KDM4C: variants seen among roughly 807,000 people sequenced by gnomAD.
The protein encoded by KDM4C is lysine demethylase 4C.
KDM4C carries 81 observed loss-of-function variants against 129.3 expected under a neutral mutation model. The observed-to-expected ratio is 0.63, with a 90% CI of 0.52 to 0.75. The LOEUF is 0.75. Among genes scored for constraint, KDM4C ranks in the 30% least tolerant of loss-of-function variants. KDM4C has a pLI of 0.00. For missense variants in KDM4C, 1,457 were observed against 1,304.0 expected (o/e 1.12, Z -1.81); for synonymous variants, 573 against 456.1 (o/e 1.26, Z -3.26).
At chr9:6,871,227 G>T (rs554610380) in intron 5 of KDM4C, among the ~76,000 whole-genome samples, 1 of 152,322 alleles carries the variant, frequency 6.6e-6, no homozygotes, top group African/African-American at 2.4e-5. Context: ...ACTTGAACTA[G>T]AGAAAGTAGA....
intron 17 of KDM4C, among the ~76,000 whole-genome samples, chr9:7,069,424 A>G (rs1017523338): frequency 6.6e-6 from 1 of 152,144 alleles, no homozygotes; most frequent in Non-Finnish European, 1.5e-5. Flanking sequence ...GTGTGGGAGG[A>G]TTGCTTGAGC....
At chr9:6,993,082 A>G (rs781097255) in intron 12 of KDM4C, among the ~76,000 whole-genome samples, 1 of 152,158 alleles carries the variant, frequency 6.6e-6, no homozygotes, top group South Asian at 2.1e-4. Flanking sequence ...ACATCCTGTA[A>G]TTACAGGATC....
rs1332462199 is a variant in KDM4C, at chr9:7,086,825, T to G, written c.2425-16860T>G. ...CTATATCCCAACTCTCAAACATACT[T>G]TTTTCTAAAGTTGATCTGCCTGAGA... On this transcript the variant is annotated intron_variant, in intron 17 of 21. Coordinates refer to ENST00000381309, the MANE Select transcript of KDM4C (RefSeq NM_015061.6). Among the ~76,000 whole-genome samples, 3 of 152,160 alleles carry G rather than the reference T, an allele frequency of 2.0e-5. No homozygotes were observed. The East Asian group carries it at 5.8e-4, about 29-fold the overall frequency.
At chr9:7,060,363 G>T (rs547518975) in intron 17 of KDM4C, among the ~76,000 whole-genome samples, 59 of 151,312 alleles carry the variant, frequency 3.9e-4, no homozygotes, top group African/African-American at 1.4e-3. Context: ...ACTGTTAACT[G>T]TTCTTCTCCC....
chr9:7,135,671 G>C (rs1297768240), intron 19 of KDM4C, among the ~76,000 whole-genome samples: 1 of 152,214 alleles, frequency 6.6e-6, no homozygotes, highest in Non-Finnish European at 1.5e-5. Flanking sequence ...TGTAGGAGGA[G>C]TGACATGGAT....
At chr9:7,026,126 A>G (rs1825775044) in intron 15 of KDM4C, among the ~76,000 whole-genome samples, 1 of 151,396 alleles carries the variant, frequency 6.6e-6, no homozygotes, top group Non-Finnish European at 1.5e-5. Context: ...GATCGCTTGA[A>G]CCCGGGAGAC....
At chr9:6,752,891 G>C (rs2084133265), upstream of KDM4C, among the ~76,000 whole-genome samples, 1 of 152,138 alleles carries the variant, frequency 6.6e-6, no homozygotes, top group Non-Finnish European at 1.5e-5. Context: ...CTGAGGTGGA[G>C]GAGCATTTTA....
intron 2 of KDM4C, among the ~76,000 whole-genome samples, chr9:6,799,328 C>T (rs1418483569): frequency 1.6e-4 from 24 of 152,184 alleles, no homozygotes; most frequent in African/African-American, 5.8e-4. Context: ...CTTGGGAGGC[C>T]GAGGCTGGCG....
Position 6,887,969 on chromosome 9 carries a change from C to G in KDM4C, c.689C>G (p.Pro230Arg). The G allele has an allele frequency of 2.2e-5, 36 of 1,606,682 alleles. No individual in the cohort carries two copies. Among genetic ancestry groups the G allele is most frequent in the Non-Finnish European group, 3.0e-5 (35 of 1,173,460 alleles). Residue 230 changes from proline (P) to arginine (R), a missense_variant, in exon 7 of 22, where the codon CCA (proline) becomes CGA (arginine). Transcript: ENST00000381309. ...RLERLAQGFF[P>R]SSSQGCDAFL... is the part of the protein sequence containing the mutation. The stretch of plus-strand genomic sequence containing the variant: ...TATTGTTTCTTTTTAGGTTTTTTCC[C>G]AAGCAGCTCCCAAGGGTGTGATGCA...
At chr9:6,919,281 C>A (rs924315985) in intron 8 of KDM4C, among the ~76,000 whole-genome samples, 18 of 41,004 alleles carry the variant, frequency 4.4e-4, no homozygotes, top group African/African-American at 1.0e-3. Flanking sequence ...CTGTCTCTCT[C>A]TCTCTCTTTC....
upstream of KDM4C, among the ~76,000 whole-genome samples, chr9:6,754,791 G>A (rs1438731266): frequency 6.7e-6 from 1 of 148,896 alleles, no homozygotes; most frequent in Non-Finnish European, 1.5e-5. Flanking sequence ...TGGGAGGACT[G>A]CATGATCCTA....
At chr9:6,948,655 G>T (rs1016405286) in intron 8 of KDM4C, among the ~76,000 whole-genome samples, 27 of 151,606 alleles carry the variant, frequency 1.8e-4, no homozygotes, top group African/African-American at 5.8e-4. Flanking sequence ...TTGTGTCCCT[G>T]GGTACTTGAG....
chr9:7,095,222 A>C (rs1411738398), intron 17 of KDM4C, among the ~76,000 whole-genome samples: 1 of 152,202 alleles, frequency 6.6e-6, no homozygotes, highest in Non-Finnish European at 1.5e-5. Flanking sequence ...TCATAAATGC[A>C]TGTGTTTCAG....
At chr9:6,842,281 G>A (rs1329834904) in intron 4 of KDM4C, among the ~76,000 whole-genome samples, 1 of 150,166 alleles carries the variant, frequency 6.7e-6, no homozygotes, top group South Asian at 2.1e-4. Flanking sequence ...TGCAGATTTG[G>A]CCACAGATTT....
chr9:7,150,865 T>C (rs1842666549), intron 19 of KDM4C, among the ~76,000 whole-genome samples: 2 of 152,220 alleles, frequency 1.3e-5, no homozygotes, highest in Admixed American at 6.5e-5. Context: ...TCTAATATCA[T>C]AAAGATGTGG....
intron 12 of KDM4C, among the ~76,000 whole-genome samples, chr9:6,997,239 T>C: frequency 6.6e-6 from 1 of 152,236 alleles, no homozygotes. Context: ...GTTGTGGCCG[T>C]TGAGGAGAAA....
At chr9:7,077,442 T>C (rs1484172475) in intron 17 of KDM4C, among the ~76,000 whole-genome samples, 1 of 152,250 alleles carries the variant, frequency 6.6e-6, no homozygotes. Flanking sequence ...ATATTCTTTT[T>C]CATTTTGGCA....
At chr9:6,927,133 A>ATCTG (rs1165626195) in intron 8 of KDM4C, among the ~76,000 whole-genome samples, 2 of 150,616 alleles carry the variant, frequency 1.3e-5, no homozygotes, top group Admixed American at 1.3e-4. Flanking sequence ...CTATCTATCT[A>ATCTG]TCTATCTGTT....
At chr9:6,908,612 G>A (rs773424688) in intron 8 of KDM4C, among the ~76,000 whole-genome samples, 2 of 152,002 alleles carry the variant, frequency 1.3e-5, no homozygotes, top group African/African-American at 4.8e-5. Context: ...AGATCTTCTT[G>A]GGGGGAGGAT....
Sources: gnomAD v4.1 joint callset for allele counts (sites outside exome capture counted in the v4.1 genomes callset) on GRCh38, gnomAD v4.1.1 for gene constraint, MANE v1.5 for transcripts, NCBI Gene and HGNC (gene_info 2026-07-23, HGNC 2026-07-21) for gene names.